SLC9D1: variants seen among roughly 807,000 people sequenced by gnomAD.
The protein encoded by SLC9D1 is solute carrier family 9 member D1.
the SLC9D1 span, chr13:113,495,502 C>T: frequency 5.1e-6 from 5 of 979,254 alleles, no homozygotes; most frequent in Non-Finnish European, 6.1e-6. Flanking sequence ...TCTTTTTCAG[C>T]TGAAAATGTG....
At chr13:113,539,434 G>C in the SLC9D1 span, 1 of 1,613,638 alleles carries the variant, frequency 6.2e-7, no homozygotes, top group Non-Finnish European at 8.5e-7. The surrounding 1 kb of genome is among the most constrained non-coding windows in gnomAD (Gnocchi z 4.8). Context: ...AGGGCCCCGT[G>C]GTCACCGAGG....
the SLC9D1 span, among the ~76,000 whole-genome samples, chr13:113,521,750 A>G: frequency 6.6e-6 from 1 of 152,220 alleles, no homozygotes; most frequent in African/African-American, 2.4e-5. Flanking sequence ...TGTGCCGCAT[A>G]TACAAATACA....
the SLC9D1 span, among the ~76,000 whole-genome samples, chr13:113,542,372 G>A: frequency 0.098 from 7,072 of 72,218 alleles, 1,149 homozygotes; most frequent in African/African-American, 0.2. Flanking sequence ...TACGCACACG[G>A]TCGCTGATCA....
the SLC9D1 span, among the ~76,000 whole-genome samples, chr13:113,513,253 G>A: frequency 6.6e-6 from 1 of 152,274 alleles, no homozygotes. Context: ...CCCAGTGAAA[G>A]TACCATCCAA....
chr13:113,542,781 G>T, the SLC9D1 span, among the ~76,000 whole-genome samples: 1 of 152,128 alleles, frequency 6.6e-6, no homozygotes, highest in Non-Finnish European at 1.5e-5. Context: ...CACAGACTCA[G>T]CACAACCTCA....
At chr13:113,531,344 A>C in the SLC9D1 span, among the ~76,000 whole-genome samples, 1 of 152,250 alleles carries the variant, frequency 6.6e-6, no homozygotes, top group Non-Finnish European at 1.5e-5. Flanking sequence ...TCCGCAGGTC[A>C]GATGTGCTGA....
At chr13:113,546,957 T>C in the SLC9D1 span, among the ~76,000 whole-genome samples, 2 of 152,184 alleles carry the variant, frequency 1.3e-5, no homozygotes, top group African/African-American at 4.8e-5. This position sits in a 1 kb window ranked among gnomAD's most constrained non-coding sequence, Gnocchi z 7.1. Context: ...GGCTGTGGGC[T>C]CTGGGATCAT....
the SLC9D1 span, chr13:113,501,840 G>A: frequency 6.2e-7 from 1 of 1,611,912 alleles, no homozygotes; most frequent in Non-Finnish European, 8.5e-7. Context: ...TATATTATTT[G>A]TGGTGTACTT....
At chr13:113,519,641 C>G in the SLC9D1 span, among the ~76,000 whole-genome samples, 4 of 152,134 alleles carry the variant, frequency 2.6e-5, no homozygotes, top group Non-Finnish European at 5.9e-5. Context: ...AGGCTCATTC[C>G]GTGTGGTGGC....
chr13:113,517,420 G>T, the SLC9D1 span, among the ~76,000 whole-genome samples: 3 of 152,074 alleles, frequency 2.0e-5, no homozygotes, highest in Non-Finnish European at 2.9e-5. Flanking sequence ...AGTAGAGACG[G>T]GGTTTCACCG....
the SLC9D1 span, chr13:113,529,138 T>C: frequency 6.6e-6 from 1 of 152,338 alleles, no homozygotes; most frequent in South Asian, 2.1e-4. Context: ...CAGAACACTT[T>C]TAAAGCTTTT....
At chr13:113,548,175 C>T in the SLC9D1 span, 2 of 1,029,694 alleles carry the variant, frequency 1.9e-6, no homozygotes, top group Non-Finnish European at 2.9e-6. Flanking sequence ...CTGTGCCTTT[C>T]CCTACTTGAC....
chr13:113,543,542 C>T, the SLC9D1 span, among the ~76,000 whole-genome samples: 120 of 51,278 alleles, frequency 2.3e-3, 3 homozygotes, highest in African/African-American at 0.012. Context: ...CCCCCGTGCC[C>T]CCAACCTCGC....
At chr13:113,530,596 CA>C in the SLC9D1 span, 6 of 151,968 alleles carry the variant, frequency 3.9e-5, no homozygotes, top group Non-Finnish European at 8.8e-5. Context: ...TTTAAAATAT[CA>C]AAGAAATAAA....
At chr13:113,549,522 G>A in the SLC9D1 span, 3 of 1,614,180 alleles carry the variant, frequency 1.9e-6, no homozygotes, top group Non-Finnish European at 2.5e-6. Flanking sequence ...AGACCGGAGA[G>A]ACGGTCCAGC....
chr13:113,528,924 G>A, the SLC9D1 span: 1 of 152,214 alleles, frequency 6.6e-6, no homozygotes, highest in Non-Finnish European at 1.5e-5. Flanking sequence ...GCTAGCCGGA[G>A]ATGACTTCTA....
At chr13:113,534,218 C>T in the SLC9D1 span, 4 of 1,613,404 alleles carry the variant, frequency 2.5e-6, no homozygotes, top group Non-Finnish European at 2.5e-6. Context: ...GGAATATCTG[C>T]CTTTATCTTC....
chr13:113,518,710 G>A, the SLC9D1 span, among the ~76,000 whole-genome samples: 1 of 152,138 alleles, frequency 6.6e-6, no homozygotes, highest in African/African-American at 2.4e-5. Context: ...GGTGAAAATC[G>A]CTGATCTGTG....
the SLC9D1 span, chr13:113,549,486 G>A: frequency 1.9e-6 from 3 of 1,614,134 alleles, no homozygotes; most frequent in East Asian, 2.2e-5. Context: ...GTGCTGTGGA[G>A]AGCTGCAATC....
Sources: allele counts gnomAD v4.1 joint callset (sites outside exome capture counted in the v4.1 genomes callset), GRCh38; gene constraint gnomAD v4.1.1; non-coding constraint Gnocchi (gnomAD v3.1); transcripts MANE v1.5; gene names NCBI Gene and HGNC (gene_info 2026-07-23, HGNC 2026-07-21).